ZNF136: variants seen among roughly 807,000 people sequenced by gnomAD.
The protein encoded by ZNF136 is zinc finger protein 136 (clone pHZ-20).
Under a neutral mutation model 11.4 loss-of-function variants are expected in ZNF136, and 8 were observed. The observed-to-expected ratio is 0.70, with a 90% CI of 0.41 to 1.27. The LOEUF is 1.27. Among genes scored for constraint, ZNF136 ranks in the 50% most tolerant of loss-of-function variants. ZNF136 has a pLI of 0.01. For synonymous variants in ZNF136, 190 were observed against 207.1 expected (o/e 0.92, Z 0.71); for missense variants, 590 against 656.5 (o/e 0.90, Z 1.11).
chr19:12,183,031 T>A (rs1460372731), intron 1 of ZNF136, among the ~76,000 whole-genome samples: 2 of 152,178 alleles, frequency 1.3e-5, no homozygotes, highest in African/African-American at 4.8e-5. Context: ...GAAAAATAAA[T>A]ATCTACCCTT....
chr19:12,179,789 A>G (rs1914896069), intron 1 of ZNF136, among the ~76,000 whole-genome samples: 1 of 152,242 alleles, frequency 6.6e-6, no homozygotes, highest in South Asian at 2.1e-4. Flanking sequence ...TTACCTAAAC[A>G]CTGAAATATT....
intron 1 of ZNF136, among the ~76,000 whole-genome samples, chr19:12,166,905 T>C (rs1323633369): frequency 4.6e-5 from 7 of 152,164 alleles, no homozygotes; most frequent in African/African-American, 1.7e-4. Flanking sequence ...GGCCAGCGAC[T>C]CCAAACTGAG....
chr19:12,164,000 C>CA (rs1204978120), intron 1 of ZNF136, among the ~76,000 whole-genome samples: 14 of 152,062 alleles, frequency 9.2e-5, no homozygotes, highest in African/African-American at 3.4e-4. Flanking sequence ...TTCTGGGTTT[C>CA]AAAACTGTCT....
At chr19:12,182,182 C>A (rs993594237) in intron 1 of ZNF136, among the ~76,000 whole-genome samples, 1 of 152,210 alleles carries the variant, frequency 6.6e-6, no homozygotes, top group Non-Finnish European at 1.5e-5. Context: ...ATGTTTGTGA[C>A]CTTTTCGCCT....
Position 12,187,764 on chromosome 19 carries a change from C to T in ZNF136, c.1386C>T (p.Ser462=). The T allele has an allele frequency of 6.2e-7, 1 of 1,612,786 alleles. No individual in the cohort carries two copies. The highest frequency in any genetic ancestry group is 8.5e-7 in the Non-Finnish European group (1 of 1,179,622). Residue 462 remains serine, a synonymous_variant, in exon 4 of 4, where the codon TCC becomes TCT. Coordinates refer to ENST00000343979, the MANE Select transcript of ZNF136 (RefSeq NM_003437.5). ...GGAAAGCCTTCAGTTATCTCAACTC[C>T]TTTCGAACACATGAAATGATTCACA... is the stretch of plus-strand genomic sequence containing the variant. ...QCGKAFSYLN[S]FRTHEMIHTG...
At chr19:12,171,419 C>G (rs560193159) in intron 1 of ZNF136, among the ~76,000 whole-genome samples, 1 of 152,138 alleles carries the variant, frequency 6.6e-6, no homozygotes, top group Non-Finnish European at 1.5e-5. Context: ...ATAAGTAGTT[C>G]TCTTTATTTT....
At chr19:12,184,996 C>T (rs1348458105) in intron 1 of ZNF136, 1 of 152,190 alleles carries the variant, frequency 6.6e-6, no homozygotes, top group African/African-American at 2.4e-5. Flanking sequence ...AATTCAAGGG[C>T]AGGCCAGTGG....
chr19:12,181,397 C>T (rs1599458094), intron 1 of ZNF136, among the ~76,000 whole-genome samples: 1 of 152,272 alleles, frequency 6.6e-6, no homozygotes, highest in East Asian at 1.9e-4. Context: ...CTGCAGTCCC[C>T]AACACCAGCT....
chr19:12,171,168 AT>A (rs1185123470), intron 1 of ZNF136, among the ~76,000 whole-genome samples: 1 of 151,752 alleles, frequency 6.6e-6, no homozygotes, highest in Non-Finnish European at 1.5e-5. Flanking sequence ...TTTAGTAGAG[AT>A]GGGGTTTCAC....
At position 12,188,639 on chromosome 19, in the gene ZNF136, A is replaced by G. The variant is rs1204503351; in HGVS notation, c.*638A>G. 6.6e-6 allele frequency: 1 copy of G among 152,152 alleles called. No individual in the cohort carries two copies. The highest frequency in any genetic ancestry group is 1.5e-5 in the Non-Finnish European group (1 of 68,038). 9.4% of individuals were successfully genotyped at this position (152,152 alleles called of 1,614,324 possible). On this transcript the variant is annotated 3_prime_UTR_variant, in exon 4 of 4. Transcript: ENST00000343979. ...ATTTCAATCCCAGCAGGGCCTCACT[A>G]GTTGAGGTATTGAATTTGAACAGAT...
rs554101827 is a variant in ZNF136 at position 12,179,438 on chromosome 19, G to A, written c.4-6347G>A. On this transcript the variant is annotated intron_variant, in intron 1 of 3. Transcript: ENST00000343979. ...CTATTCTCCTGCCTCACCCTCCTGAGTAGCTGGGATTACAGGCACAGGTCA... is the reference window on the plus strand; with the variant it reads ...CTATTCTCCTGCCTCACCCTCCTGAATAGCTGGGATTACAGGCACAGGTCA... Among the ~76,000 whole-genome samples the A allele has an allele frequency of 1.9e-4, 29 of 151,926 alleles. 1 individual carries two copies. Among genetic ancestry groups the A allele is most frequent in the Non-Finnish European group, 3.5e-4 (24 of 67,984 alleles).
chr19:12,181,860 C>T (rs1254561879), intron 1 of ZNF136, among the ~76,000 whole-genome samples: 1 of 152,142 alleles, frequency 6.6e-6, no homozygotes, highest in Non-Finnish European at 1.5e-5. Flanking sequence ...TGGTTTCGAT[C>T]TCCTGACCTC....
At chr19:12,185,994 TGGAG>T in intron 2 of ZNF136, 83 bp downstream of exon 2, 1 of 1,603,302 alleles carries the variant, frequency 6.2e-7, no homozygotes, top group Non-Finnish European at 8.5e-7. Context: ...GTTTGCATCA[TGGAG>T]GGAGAGTACT....
At position 12,173,351 on chromosome 19, in the gene ZNF136, A is replaced by G. The variant is rs117379457; in HGVS notation, c.3+10145A>G. Among the ~76,000 whole-genome samples the G allele has an allele frequency of 6.6e-3, 1,002 of 152,204 alleles. 3 individuals are homozygous for G. The highest frequency in any genetic ancestry group is 0.037 in the Middle Eastern group (11 of 294). Reference sequence around the variant, plus strand: ...GGTGTTCCATACTTTTATCATTCCTATTGAATGACGTCTGTATAAAACGCC... The same window carrying G: ...GGTGTTCCATACTTTTATCATTCCTGTTGAATGACGTCTGTATAAAACGCC... On this transcript the variant is annotated intron_variant, in intron 1 of 3. Coordinates refer to ENST00000343979, the MANE Select transcript of ZNF136 (RefSeq NM_003437.5).
intron 1 of ZNF136, among the ~76,000 whole-genome samples, chr19:12,170,404 T>A (rs868275361): frequency 1.3e-5 from 2 of 152,122 alleles, no homozygotes; most frequent in Non-Finnish European, 2.9e-5. Context: ...TTTTTTTTTT[T>A]TTGAGGCAGG....
intron 1 of ZNF136, among the ~76,000 whole-genome samples, chr19:12,184,009 G>A (rs1445546619): frequency 1.3e-5 from 2 of 152,182 alleles, no homozygotes; most frequent in African/African-American, 4.8e-5. Context: ...GCTCACGCCT[G>A]TAATCCCAGC....
rs900639430 is a variant in ZNF136 at position 12,186,782 on chromosome 19, A to T, written c.404A>T (p.Tyr135Phe). The change falls in exon 4 of 4, where the codon TAT becomes TTT. Residue 135 changes from tyrosine (Y) to phenylalanine (F), a missense_variant. Transcript: ENST00000343979. Reference sequence around the variant, plus strand: ...CATGAACCAAAGGAATATCAGGAATATGGAGAGAAGCCAGATACACGTAAC... The same window carrying T: ...CATGAACCAAAGGAATATCAGGAATTTGGAGAGAAGCCAGATACACGTAAC... ...SGHEPKEYQE[Y>F]GEKPDTRNQC... is the part of the protein sequence containing the mutation. The T allele has an allele frequency of 7.4e-6, 12 of 1,614,078 alleles. No homozygotes were observed. The highest frequency in any genetic ancestry group is 9.3e-6 in the Non-Finnish European group (11 of 1,180,030).
intron 1 of ZNF136, among the ~76,000 whole-genome samples, chr19:12,176,430 G>A (rs1417770068): frequency 1.3e-5 from 2 of 151,930 alleles, no homozygotes; most frequent in Non-Finnish European, 2.9e-5. Context: ...TGATTCAAGC[G>A]ATTCTCCTGC....
At chr19:12,181,673 C>T (rs897532822) in intron 1 of ZNF136, among the ~76,000 whole-genome samples, 5 of 151,918 alleles carry the variant, frequency 3.3e-5, no homozygotes, top group East Asian at 1.9e-4. Flanking sequence ...CTCACTGAGT[C>T]GCCCAGGCTG....
Sources: gnomAD v4.1 joint callset for allele counts (sites outside exome capture counted in the v4.1 genomes callset) on GRCh38, gnomAD v4.1.1 for gene constraint, MANE v1.5 for transcripts, NCBI Gene and HGNC (gene_info 2026-07-23, HGNC 2026-07-21) for gene names.